The following DAG1 variants were observed in gnomAD, a reference collection of about 807,000 sequenced individuals.
DAG1 encodes dystroglycan 1.
DAG1 carries 8 observed loss-of-function variants against 46.1 expected under a neutral mutation model. That is an observed-to-expected ratio of 0.17 (90% confidence interval 0.10 to 0.31). The LOEUF (loss-of-function observed/expected upper bound fraction) is 0.31. Among genes scored for constraint, DAG1 ranks in the 10% least tolerant of loss-of-function variants. The pLI is 1.00. For synonymous variants in DAG1, 495 were observed against 481.8 expected (o/e 1.03, Z -0.36); for missense variants, 1,003 against 1,189.9 (o/e 0.84, Z 2.31).
At chr3:49,490,278 G>A (rs1249671811) in intron 1 of DAG1, among the ~76,000 whole-genome samples, 7 of 151,930 alleles carry the variant, frequency 4.6e-5, no homozygotes, top group Admixed American at 1.3e-4. Flanking sequence ...ATGTGGACCC[G>A]GGAGGTGGAG....
intron 1 of DAG1, among the ~76,000 whole-genome samples, chr3:49,496,596 G>A (rs1236254001): frequency 6.6e-6 from 1 of 151,752 alleles, no homozygotes; most frequent in African/African-American, 2.4e-5. Context: ...TCCTGACCTT[G>A]TGATCCGCCT....
At chr3:49,491,930 CTT>C (rs1166608912) in intron 1 of DAG1, among the ~76,000 whole-genome samples, 12 of 137,320 alleles carry the variant, frequency 8.7e-5, no homozygotes, top group Non-Finnish European at 6.4e-5. Context: ...CAAGTCTATT[CTT>C]TTTTTTTTTT....
rs55662849 is a variant in DAG1, at chr3:49,504,567, CTTTTTTTTTTTTTTTTTTTTTTTTTT to C, written c.-116-5838_-116-5813del. ...GTATCTGTCCCTCCACCAATACAGTCTTTTTTTTTTTTTTTTTTTTTTTTTTTTTTTTTTTTTTTGACAGAGTCTCA... is the reference window on the plus strand; with the variant it reads ...GTATCTGTCCCTCCACCAATACAGTCTTTTTTTTTTTTTGACAGAGTCTCA... On this transcript the variant is annotated intron_variant, in intron 1 of 2. Transcript: ENST00000308775. Among the ~76,000 whole-genome samples the C allele has an allele frequency of 3.4e-4, 17 of 49,754 alleles. No homozygotes were observed. The East Asian group carries it at 7.8e-3, about 23-fold the overall frequency. The allele number at this position is 49,754 out of a possible 152,430, so 32.6% of individuals were successfully genotyped here. A position where few individuals can be genotyped will look rare whatever the true frequency, so the allele number is the denominator to read the frequency against.
At chr3:49,508,899 T>A (rs973702947) in intron 1 of DAG1, among the ~76,000 whole-genome samples, 3 of 152,210 alleles carry the variant, frequency 2.0e-5, no homozygotes, top group Admixed American at 1.3e-4. Context: ...TATATATACA[T>A]GTATACATTT....
chr3:49,482,410 C>G (rs1212249862), intron 1 of DAG1, among the ~76,000 whole-genome samples: 2 of 152,154 alleles, frequency 1.3e-5, no homozygotes, highest in African/African-American at 2.4e-5. Context: ...CCTGCCTGCC[C>G]TTGGGAACTG....
chr3:49,514,304 TA>T (rs1360006950), intron 2 of DAG1, among the ~76,000 whole-genome samples: 1 of 152,124 alleles, frequency 6.6e-6, no homozygotes, highest in Non-Finnish European at 1.5e-5. Context: ...TAATGATGCA[TA>T]AATGTACATT....
intron 1 of DAG1, among the ~76,000 whole-genome samples, chr3:49,509,091 C>T (rs1479621503): frequency 6.6e-6 from 1 of 152,078 alleles, no homozygotes; most frequent in Non-Finnish European, 1.5e-5. Context: ...CTCAATTACC[C>T]CTTTGGGAGC....
At chr3:49,497,646 T>G (rs2050350271) in intron 1 of DAG1, among the ~76,000 whole-genome samples, 1 of 152,086 alleles carries the variant, frequency 6.6e-6, no homozygotes, top group Non-Finnish European at 1.5e-5. Flanking sequence ...CAAACCCACC[T>G]TTTTAAATTG....
intron 2 of DAG1, among the ~76,000 whole-genome samples, chr3:49,522,470 C>T (rs2051058660): frequency 1.4e-5 from 2 of 139,248 alleles, no homozygotes; most frequent in African/African-American, 5.2e-5. Context: ...GCCCCCCTCC[C>T]ACCCCTTTTT....
intron 1 of DAG1, among the ~76,000 whole-genome samples, chr3:49,497,436 CAA>C (rs11391817): frequency 1.6e-5 from 2 of 128,602 alleles, no homozygotes; most frequent in African/African-American, 3.1e-5. Context: ...GACTCCGTCT[CAA>C]AAAAAAAAAA....
chr3:49,526,792 C>G (rs1178236537), intron 2 of DAG1, among the ~76,000 whole-genome samples: 1 of 152,204 alleles, frequency 6.6e-6, no homozygotes, highest in Non-Finnish European at 1.5e-5. Flanking sequence ...AAGCTCATTT[C>G]TCATCTCCCA....
chr3:49,532,584 C>G lies in DAG1; in HGVS notation c.2073C>G (p.Ala691=). The change falls in exon 3 of 3, where the codon GCC becomes GCG. Residue 691 remains alanine, a synonymous_variant. Coordinates refer to ENST00000308775, the MANE Select transcript of DAG1 (RefSeq NM_004393.6). This position sits in a 1 kb window ranked among gnomAD's most constrained non-coding sequence, Gnocchi z 5.4. ...IAEDDGKPRP[A]FSNALEPDFK... is the part of the protein sequence containing the mutation. ...AGGATGATGGAAAACCTCGGCCTGC[C>G]TTCTCCAACGCCCTAGAGCCTGACT... 1 of 1,612,312 alleles carries G rather than the reference C, an allele frequency of 6.2e-7. No homozygotes were observed. The highest frequency in any genetic ancestry group is 8.5e-7 in the Non-Finnish European group (1 of 1,178,588).
intron 1 of DAG1, among the ~76,000 whole-genome samples, chr3:49,473,353 C>T (rs1449876292): frequency 2.6e-5 from 4 of 151,594 alleles, no homozygotes; most frequent in African/African-American, 9.7e-5. Context: ...ACCCGGGAGG[C>T]GGAGCTTGCA....
At position 49,511,342 on chromosome 3, in the gene DAG1, A is replaced by AG. The variant is rs146563103; in HGVS notation, c.285+525dup. Among the ~76,000 whole-genome samples the AG allele has an allele frequency of 5.1e-3, 775 of 152,320 alleles. 8 individuals are homozygous for AG. Among genetic ancestry groups the AG allele is most frequent in the African/African-American group, 0.018 (739 of 41,572 alleles). On this transcript the variant is annotated intron_variant, in intron 2 of 2. Coordinates refer to ENST00000308775, the MANE Select transcript of DAG1 (RefSeq NM_004393.6). ...GCCATCCAGAGAACAATGGAATCTG[A>AG]GGCCCGTGTAGAGAAGAGTGTCTTG... is the stretch of plus-strand genomic sequence containing the variant.
intron 1 of DAG1, among the ~76,000 whole-genome samples, chr3:49,478,720 A>G (rs188508077): frequency 6.2e-4 from 91 of 147,826 alleles, no homozygotes; most frequent in African/African-American, 2.0e-3. Flanking sequence ...AGCAAATCAC[A>G]CCACTGCACT....
chr3:49,483,830 A>G (rs1568662), intron 1 of DAG1, among the ~76,000 whole-genome samples: 63,369 of 151,842 alleles, frequency 0.42, 14,875 homozygotes, highest in East Asian at 0.93. Flanking sequence ...ACGTGCCACT[A>G]TGCCCAGCTA....
chr3:49,469,113 A>G (rs945847567), upstream of DAG1: 2 of 152,240 alleles, frequency 1.3e-5, no homozygotes, highest in African/African-American at 4.8e-5. Context: ...CATCTCCCAG[A>G]CGCTCCTGAG....
intron 1 of DAG1, among the ~76,000 whole-genome samples, chr3:49,476,686 G>A (rs1390152512): frequency 1.3e-5 from 2 of 152,148 alleles, no homozygotes; most frequent in African/African-American, 4.8e-5. Flanking sequence ...TACAGAAAAT[G>A]TTTCATTTTC....
chr3:49,527,360 TA>T (rs2051203543), intron 2 of DAG1, among the ~76,000 whole-genome samples: 2 of 151,978 alleles, frequency 1.3e-5, no homozygotes, highest in Admixed American at 1.3e-4. Context: ...CCGTCTCTAC[TA>T]AAAATACAAA....
Sources: gnomAD v4.1 joint callset for allele counts (sites outside exome capture counted in the v4.1 genomes callset) on GRCh38, gnomAD v4.1.1 for gene constraint, Gnocchi (gnomAD v3.1) non-coding constraint, MANE v1.5 for transcripts, NCBI Gene and HGNC (gene_info 2026-07-23, HGNC 2026-07-21) for gene names.